The following NCBP1 variants were observed in gnomAD, a reference collection of about 807,000 sequenced individuals.
NCBP1 encodes nuclear cap binding protein subunit 1, also known as nuclear cap-binding protein subunit 1.
NCBP1 carries 16 observed loss-of-function variants against 111.7 expected under a neutral mutation model. The observed-to-expected ratio is 0.14, with a 90% confidence interval of 0.10 to 0.22. NCBP1 has a LOEUF of 0.22. Among genes scored for constraint, NCBP1 ranks in the 10% least tolerant of loss-of-function variants. NCBP1 has a pLI of 1.00. For synonymous variants in NCBP1, 304 were observed against 314.3 expected, an observed-to-expected ratio of 0.97 and a Z score of 0.35; for missense variants, 607 against 957.5, an observed-to-expected ratio of 0.63 and a Z score of 4.83.
chr9:97,655,899 T>C (rs2131350399), intron 13 of NCBP1, 112 bp from the exon 14 acceptor site: 1 of 1,347,934 alleles, frequency 7.4e-7, no homozygotes, highest in South Asian at 1.3e-5. Flanking sequence ...ACAAGTGCAA[T>C]TATAACTTAA....
At chr9:97,651,606 G>A (rs1564022474) in intron 10 of NCBP1, among the ~76,000 whole-genome samples, 1 of 152,178 alleles carries the variant, frequency 6.6e-6, no homozygotes, top group Non-Finnish European at 1.5e-5. Flanking sequence ...TTGCCTATAA[G>A]TTATTTATAT....
chr9:97,666,291 T>C (rs530412019), intron 19 of NCBP1, among the ~76,000 whole-genome samples: 20 of 152,366 alleles, frequency 1.3e-4, no homozygotes, highest in Non-Finnish European at 2.2e-4. Flanking sequence ...TATCAACTAA[T>C]GAGTTTCTTA....
chr9:97,646,870 G>A (rs1441673141), intron 6 of NCBP1, among the ~76,000 whole-genome samples: 1 of 146,356 alleles, frequency 6.8e-6, no homozygotes, highest in Non-Finnish European at 1.5e-5. Context: ...AAAGAATCGT[G>A]TGTGTGTGTA....
chr9:97,654,802 G>A (rs866467789), intron 11 of NCBP1, 78 bp from the exon 12 acceptor site: 3 of 1,236,230 alleles, frequency 2.4e-6, no homozygotes, highest in Admixed American at 3.6e-5. Context: ...GACTTGAAAT[G>A]TTTTATTTCT....
intron 10 of NCBP1, among the ~76,000 whole-genome samples, chr9:97,651,821 G>A (rs919407128): frequency 2.0e-5 from 3 of 152,138 alleles, no homozygotes; most frequent in African/African-American, 4.8e-5. Flanking sequence ...GTAACACAAA[G>A]TGTAGATGAA....
intron 22 of NCBP1, chr9:97,670,156 C>T (rs181556142): frequency 3.3e-5 from 8 of 244,950 alleles, no homozygotes; most frequent in East Asian, 9.0e-5. Flanking sequence ...CTCCTGACCT[C>T]AGGAGGCCTC....
intron 1 of NCBP1, among the ~76,000 whole-genome samples, chr9:97,640,532 C>T (rs1271756100): frequency 2.6e-5 from 4 of 152,070 alleles, no homozygotes; most frequent in African/African-American, 4.8e-5. Flanking sequence ...GACAGGGCTG[C>T]TGATTGCATA....
chr9:97,650,712 C>A, intron 9 of NCBP1, 112 bp downstream of exon 9: 1 of 788,592 alleles, frequency 1.3e-6, no homozygotes, highest in Non-Finnish European at 2.1e-6. Context: ...TCCTGACTCC[C>A]TGTCTTGCTA....
chr9:97,648,735 G>T (rs1005893048), intron 8 of NCBP1, among the ~76,000 whole-genome samples: 1 of 151,662 alleles, frequency 6.6e-6, no homozygotes, highest in Non-Finnish European at 1.5e-5. Flanking sequence ...TTTTCTTTTC[G>T]AAATGGGGTC....
Position 97,656,056 on chromosome 9 carries a change from T to A in NCBP1, c.1344T>A (p.Phe448Leu), listed in dbSNP as rs946680169. 1.2e-6 allele frequency: 2 copies of A among 1,614,084 alleles called. No homozygotes were observed. ...SQDPESPKPKFVREVLEKCMR... is the reference protein window; with the variant it reads ...SQDPESPKPKLVREVLEKCMR... ...ATCCTGAAAGTCCCAAACCGAAGTT[T>A]GTAAGAGAAGTTCTAGAAAAATGTA... The change falls in exon 14 of 23, where the codon TTT (phenylalanine) becomes TTA (leucine). Residue 448 changes from phenylalanine (F) to leucine (L), a missense_variant. Physicochemically the swap from Phe to Leu is conservative, Grantham distance 22. Transcript: ENST00000375147.
In NCBP1 at chr9:97,643,211, C is replaced by T; in HGVS notation, c.232C>T (p.Leu78=). Residue 78 remains leucine, a synonymous_variant, in exon 4 of 23, where the codon CTA becomes TTA. Transcript: ENST00000375147. ...ILRLLCTVAR[L]LPEKLTIYTT... ...ACTGGGTTCTTAAATCAGTGCACGC[C>T]TATTACCTGAGAAGCTGACAATTTA... The T allele has an allele frequency of 6.2e-7, 1 of 1,606,362 alleles. No individual in the cohort carries two copies. Among genetic ancestry groups the T allele is most frequent in the Admixed American group, 1.7e-5 (1 of 57,484 alleles).
At chr9:97,669,143 C>A (rs1828099548) in intron 21 of NCBP1, among the ~76,000 whole-genome samples, 169 bp downstream of exon 21, 1 of 151,528 alleles carries the variant, frequency 6.6e-6, no homozygotes, top group Admixed American at 6.6e-5. Context: ...CAGAGGCAAC[C>A]ATGTATGTCT....
chr9:97,645,962 T>G (rs1199432706), intron 6 of NCBP1, among the ~76,000 whole-genome samples: 1 of 152,236 alleles, frequency 6.6e-6, no homozygotes, highest in Non-Finnish European at 1.5e-5. Context: ...TTAAGCTGCT[T>G]TTATATGTTT....
intron 4 of NCBP1, among the ~76,000 whole-genome samples, chr9:97,644,811 A>C (rs1827289514): frequency 6.6e-6 from 1 of 152,230 alleles, no homozygotes; most frequent in Non-Finnish European, 1.5e-5. Flanking sequence ...TGTAGCACAA[A>C]AGCAACCATA....
At chr9:97,650,659 G>A (rs1376424790) in intron 9 of NCBP1, 59 bp downstream of exon 9, 2 of 1,425,842 alleles carry the variant, frequency 1.4e-6, no homozygotes, top group Non-Finnish European at 2.0e-6. Flanking sequence ...TGATAATTCA[G>A]TAAGAGCAAA....
chr9:97,643,339 T>C lies in NCBP1; in HGVS notation c.360T>C (p.Asn120=). The part of the protein sequence containing the change: ...RQLKESLKAN[N]YNEAVYLVRF... ...TTAAAGAATCATTGAAAGCAAACAA[T>C]TATAATGAAGCCGTGTATTTGGTAA... is the stretch of plus-strand genomic sequence containing the variant. Residue 120 remains asparagine, a synonymous_variant, in exon 4 of 23, where the codon AAT becomes AAC. Coordinates refer to ENST00000375147, the MANE Select transcript of NCBP1 (RefSeq NM_002486.5). The C allele has an allele frequency of 1.2e-6, 2 of 1,604,200 alleles. No homozygotes were observed. Among genetic ancestry groups the C allele is most frequent in the East Asian group, 4.5e-5 (2 of 44,694 alleles).
chr9:97,642,281 C>T (rs1827225112), intron 3 of NCBP1, among the ~76,000 whole-genome samples: 1 of 151,966 alleles, frequency 6.6e-6, no homozygotes, highest in South Asian at 2.1e-4. Flanking sequence ...TGTTGGAAGC[C>T]TTGTTTGTTT....
At chr9:97,661,596 T>A (rs1827835682) in intron 16 of NCBP1, among the ~76,000 whole-genome samples, 1 of 152,188 alleles carries the variant, frequency 6.6e-6, no homozygotes, top group African/African-American at 2.4e-5. Flanking sequence ...TTTGGGTATT[T>A]ATTACTGGGA....
intron 1 of NCBP1, 79 bp downstream of exon 1, chr9:97,633,994 A>T (rs1180080542): frequency 7.0e-7 from 1 of 1,435,252 alleles, no homozygotes; most frequent in Non-Finnish European, 9.3e-7. Flanking sequence ...TCCACGGAAG[A>T]GACTGGAAGC....
Sources: gnomAD v4.1 joint callset for allele counts (sites outside exome capture counted in the v4.1 genomes callset) on GRCh38, gnomAD v4.1.1 for gene constraint, MANE v1.5 for transcripts, NCBI Gene and HGNC (gene_info 2026-07-23, HGNC 2026-07-21) for gene names.